Variants in TSPAN5 observed in about 807,000 individuals in gnomAD.
TSPAN5 encodes the protein tetraspanin-5.
A neutral mutation model predicts 37.1 loss-of-function variants in TSPAN5; 10 were observed. That is an observed-to-expected ratio of 0.27 (90% CI 0.17 to 0.46). The LOEUF is 0.46. Ranked by LOEUF, TSPAN5 falls within the 20% of genes least tolerant of loss-of-function variation. TSPAN5 has a pLI of 1.00. For synonymous variants in TSPAN5, 110 were observed against 118.9 expected, an observed-to-expected ratio of 0.93 and a Z score of 0.48; for missense variants, 195 against 326.6, an observed-to-expected ratio of 0.60 and a Z score of 3.11.
intron 1 of TSPAN5, among the ~76,000 whole-genome samples, chr4:98,522,520 T>A (rs553067665): frequency 1.3e-3 from 200 of 152,294 alleles, no homozygotes; most frequent in African/African-American, 4.5e-3. Flanking sequence ...ATGTTTAAAA[T>A]CCCCTTAATA....
At chr4:98,539,544 A>G (rs969233287) in intron 1 of TSPAN5, among the ~76,000 whole-genome samples, 8 of 152,208 alleles carry the variant, frequency 5.3e-5, no homozygotes, top group Admixed American at 3.9e-4. Flanking sequence ...TGGGACATTC[A>G]TGCCTCAACA....
At chr4:98,549,754 GTTGT>G (rs930334207) in intron 1 of TSPAN5, among the ~76,000 whole-genome samples, 2 of 151,738 alleles carry the variant, frequency 1.3e-5, no homozygotes, top group Non-Finnish European at 2.9e-5. Context: ...TTCTTGTTAA[GTTGT>G]TTGAGTTTCT....
At chr4:98,634,091 G>A (rs1756804106) in intron 1 of TSPAN5, among the ~76,000 whole-genome samples, 3 of 150,006 alleles carry the variant, frequency 2.0e-5, no homozygotes. Context: ...AAAAAAAAAG[G>A]AAAGAAAAGA....
chr4:98,529,212 G>A lies in TSPAN5; in HGVS notation c.82-21484C>T, dbSNP rs549665635. Among the ~76,000 whole-genome samples, 272 of 152,332 alleles carry A rather than the reference G, an allele frequency of 1.8e-3. 4 individuals carry two copies. Among genetic ancestry groups the A allele is most frequent in the African/African-American group, 6.2e-3 (259 of 41,574 alleles). The stretch of plus-strand genomic sequence containing the variant: ...TCATTTATAATGTGGTTGACCACAT[G>A]ATCCCAAAGATGCTAACACTTCTAA... On this transcript the variant is annotated intron_variant, in intron 1 of 7. Transcript: ENST00000305798.
At chr4:98,557,704 C>A (rs1754783436) in intron 1 of TSPAN5, among the ~76,000 whole-genome samples, 1 of 152,172 alleles carries the variant, frequency 6.6e-6, no homozygotes, top group African/African-American at 2.4e-5. Flanking sequence ...AGAAATCTGG[C>A]AGCGGATTGC....
intron 5 of TSPAN5, among the ~76,000 whole-genome samples, chr4:98,477,027 G>A (rs779153906): frequency 5.3e-5 from 8 of 152,210 alleles, no homozygotes; most frequent in African/African-American, 1.4e-4. Context: ...CCTTCTCTGC[G>A]GGGTGTGGGG....
chr4:98,617,928 A>T (rs1414815631), intron 1 of TSPAN5, among the ~76,000 whole-genome samples: 5 of 152,210 alleles, frequency 3.3e-5, no homozygotes, highest in African/African-American at 9.6e-5. Context: ...GATATCCAAG[A>T]AACCATCTGT....
chr4:98,568,227 T>C (rs1316096508), intron 1 of TSPAN5, among the ~76,000 whole-genome samples: 9 of 152,114 alleles, frequency 5.9e-5, no homozygotes, highest in Non-Finnish European at 1.2e-4. Flanking sequence ...AGTCCTCTTA[T>C]TCCACAGGGA....
At chr4:98,585,219 C>T (rs1320536226) in intron 1 of TSPAN5, among the ~76,000 whole-genome samples, 1 of 152,142 alleles carries the variant, frequency 6.6e-6, no homozygotes, top group Non-Finnish European at 1.5e-5. Context: ...TTGTAGTGTA[C>T]CCATTACCCG....
intron 1 of TSPAN5, among the ~76,000 whole-genome samples, chr4:98,640,676 C>A (rs974659687): frequency 6.6e-6 from 1 of 152,162 alleles, no homozygotes; most frequent in Non-Finnish European, 1.5e-5. Context: ...TGGAGATACA[C>A]TCTCCTCCAA....
chr4:98,588,563 C>T (rs557159837), intron 1 of TSPAN5, among the ~76,000 whole-genome samples: 4 of 151,984 alleles, frequency 2.6e-5, no homozygotes, highest in Admixed American at 1.3e-4. Flanking sequence ...ATATTATTTC[C>T]ACTCATTATT....
At chr4:98,584,536 A>G (rs1560547215) in intron 1 of TSPAN5, among the ~76,000 whole-genome samples, 2 of 152,198 alleles carry the variant, frequency 1.3e-5, no homozygotes, top group Non-Finnish European at 2.9e-5. Context: ...TGAATACACA[A>G]AAGTATTTGC....
chr4:98,589,596 T>C (rs1271045978), intron 1 of TSPAN5, among the ~76,000 whole-genome samples: 5 of 152,224 alleles, frequency 3.3e-5, no homozygotes, highest in African/African-American at 1.2e-4. Context: ...GATAATTGCT[T>C]CTTTTCTCCA....
At chr4:98,592,568 C>A (rs2110210509) in intron 1 of TSPAN5, among the ~76,000 whole-genome samples, 1 of 145,794 alleles carries the variant, frequency 6.9e-6, no homozygotes, top group South Asian at 2.3e-4. Flanking sequence ...GTATATCTCC[C>A]AATGCTATCC....
chr4:98,534,033 C>A (rs1244396676), intron 1 of TSPAN5, among the ~76,000 whole-genome samples: 3 of 133,726 alleles, frequency 2.2e-5, no homozygotes, highest in Non-Finnish European at 4.6e-5. Flanking sequence ...CTGCTCTGAT[C>A]TTAGTTATTT....
chr4:98,639,480 G>A (rs1756920761), intron 1 of TSPAN5, among the ~76,000 whole-genome samples: 7 of 141,836 alleles, frequency 4.9e-5, no homozygotes. Flanking sequence ...ACTGTGACTG[G>A]CTAATTTTTT....
intron 1 of TSPAN5, among the ~76,000 whole-genome samples, chr4:98,650,371 G>T (rs2110290053): frequency 6.6e-6 from 1 of 152,266 alleles, no homozygotes; most frequent in South Asian, 2.1e-4. Context: ...GGGGATGGGG[G>T]TGGTGGCACA....
intron 4 of TSPAN5, among the ~76,000 whole-genome samples, chr4:98,479,532 TG>T (rs937814750): frequency 6.6e-6 from 1 of 152,200 alleles, no homozygotes; most frequent in African/African-American, 2.4e-5. Flanking sequence ...TTCATAGCTC[TG>T]GGAATAGAAT....
chr4:98,514,255 T>A (rs1753680691), intron 1 of TSPAN5, among the ~76,000 whole-genome samples: 1 of 152,200 alleles, frequency 6.6e-6, no homozygotes, highest in African/African-American at 2.4e-5. Flanking sequence ...GAAAGTTGTA[T>A]TTTCCTGAAG....
Sources: gnomAD v4.1 joint callset for allele counts (sites outside exome capture counted in the v4.1 genomes callset) on GRCh38, gnomAD v4.1.1 for gene constraint, MANE v1.5 for transcripts, NCBI Gene and HGNC (gene_info 2026-07-23, HGNC 2026-07-21) for gene names.